DLGAP1: variants seen among roughly 807,000 people sequenced by gnomAD.
DLGAP1 encodes the protein disks large-associated protein 1.
A neutral mutation model predicts 90.8 loss-of-function variants in DLGAP1; 11 were observed. The observed-to-expected ratio is 0.12, with a 90% CI of 0.08 to 0.20. The LOEUF (loss-of-function observed/expected upper bound fraction) is 0.20. Ranked by LOEUF, DLGAP1 falls within the 10% of genes least tolerant of loss-of-function variation. The pLI, the probability that DLGAP1 is intolerant of heterozygous loss-of-function variation, is 1.00. For missense variants in DLGAP1, 1,050 were observed against 1,333.8 expected (o/e 0.79, Z 3.31); for synonymous variants, 558 against 540.7 (o/e 1.03, Z -0.44).
chr18:3,950,897 G>T (rs1298866186), intron 3 of DLGAP1, among the ~76,000 whole-genome samples: 1 of 152,200 alleles, frequency 6.6e-6, no homozygotes, highest in African/African-American at 2.4e-5. Context: ...GTATTGATAT[G>T]AATGAACTAT....
intron 2 of DLGAP1, among the ~76,000 whole-genome samples, chr18:4,128,699 C>T (rs1282086942): frequency 4.6e-5 from 7 of 152,220 alleles, no homozygotes; most frequent in African/African-American, 1.7e-4. Context: ...ATGCTATCAG[C>T]GAGGATCCAA....
intron 1 of DLGAP1, among the ~76,000 whole-genome samples, chr18:4,424,080 G>A (rs1282278743): frequency 6.6e-6 from 1 of 152,016 alleles, no homozygotes; most frequent in African/African-American, 2.4e-5. Flanking sequence ...TGAAGCTGGA[G>A]GTGGAGGTTG....
At chr18:3,757,135 T>A (rs1568080097) in intron 5 of DLGAP1, among the ~76,000 whole-genome samples, 1 of 152,106 alleles carries the variant, frequency 6.6e-6, no homozygotes. Flanking sequence ...GGAGGCCAGA[T>A]GTAGTGGCTC....
chr18:4,336,570 C>T (rs2081071134), intron 1 of DLGAP1, among the ~76,000 whole-genome samples: 2 of 152,162 alleles, frequency 1.3e-5, no homozygotes, highest in Admixed American at 1.3e-4. Flanking sequence ...CCAGTAAATA[C>T]CCTTCACCAA....
At chr18:4,189,760 A>G (rs1268889834) in intron 1 of DLGAP1, among the ~76,000 whole-genome samples, 2 of 152,196 alleles carry the variant, frequency 1.3e-5, no homozygotes, top group African/African-American at 4.8e-5. Flanking sequence ...ATGAATGAAT[A>G]CACAATACAT....
intron 2 of DLGAP1, among the ~76,000 whole-genome samples, chr18:4,067,841 A>G (rs1199090259): frequency 1.3e-5 from 2 of 152,214 alleles, no homozygotes; most frequent in African/African-American, 4.8e-5. Flanking sequence ...TGACCGAATC[A>G]ATGTACACCT....
intron 2 of DLGAP1, among the ~76,000 whole-genome samples, chr18:4,142,281 GTAGT>G (rs2076507273): frequency 6.6e-6 from 1 of 152,164 alleles, no homozygotes; most frequent in Non-Finnish European, 1.5e-5. Context: ...CTTTCAGAGA[GTAGT>G]TAAAATGTTA....
chr18:4,333,621 T>C (rs2080999461), intron 1 of DLGAP1, among the ~76,000 whole-genome samples: 1 of 146,710 alleles, frequency 6.8e-6, no homozygotes, highest in Non-Finnish European at 1.5e-5. Context: ...TATATATATA[T>C]AATTTTTTTT....
At chr18:3,807,488 T>C (rs1825789138) in intron 5 of DLGAP1, among the ~76,000 whole-genome samples, 1 of 152,326 alleles carries the variant, frequency 6.6e-6, no homozygotes, top group South Asian at 2.1e-4. Flanking sequence ...CAAAATTGCA[T>C]GCATAGAGTT....
intron 8 of DLGAP1, chr18:3,580,495 C>T (rs1599350355): frequency 6.2e-7 from 1 of 1,603,476 alleles, no homozygotes; most frequent in East Asian, 2.2e-5. Context: ...AGGTGAGAGA[C>T]CAGGAGGAGG....
chr18:3,568,938 G>A (rs540614436), intron 8 of DLGAP1, among the ~76,000 whole-genome samples: 115 of 151,056 alleles, frequency 7.6e-4, no homozygotes, highest in East Asian at 1.8e-3. Flanking sequence ...CGCCCGCCTC[G>A]GCCTCCCAAA....
intron 1 of DLGAP1, among the ~76,000 whole-genome samples, chr18:4,233,760 T>C (rs549106026): frequency 1.3e-5 from 2 of 152,282 alleles, no homozygotes; most frequent in South Asian, 2.1e-4. Flanking sequence ...AGATAAAAGA[T>C]ACTTTTTGAT....
At chr18:4,205,825 A>G (rs1192456800) in intron 1 of DLGAP1, among the ~76,000 whole-genome samples, 2 of 152,232 alleles carry the variant, frequency 1.3e-5, no homozygotes, top group African/African-American at 2.4e-5. Context: ...AAATAAGGAG[A>G]AGCCACATAC....
chr18:3,623,896 G>A (rs1423862247), intron 7 of DLGAP1, among the ~76,000 whole-genome samples: 1 of 151,944 alleles, frequency 6.6e-6, no homozygotes, highest in Non-Finnish European at 1.5e-5. Flanking sequence ...CGGTCCCCGT[G>A]CGGATGCCCG....
At chr18:4,022,408 TAC>T (rs10626913) in intron 2 of DLGAP1, among the ~76,000 whole-genome samples, 1 of 149,128 alleles carries the variant, frequency 6.7e-6, no homozygotes, top group East Asian at 2.0e-4. Context: ...TTCTACCTTT[TAC>T]ACACACACAC....
chr18:3,680,542 C>A (rs1156613327), intron 7 of DLGAP1, among the ~76,000 whole-genome samples: 2 of 152,194 alleles, frequency 1.3e-5, no homozygotes, highest in Non-Finnish European at 2.9e-5. Context: ...AATCCCAGCA[C>A]TTTGGGAGGC....
At chr18:3,827,737 A>G (rs2067797971) in intron 4 of DLGAP1, among the ~76,000 whole-genome samples, 1 of 152,192 alleles carries the variant, frequency 6.6e-6, no homozygotes, top group Non-Finnish European at 1.5e-5. Flanking sequence ...GGCATGCCAC[A>G]CACTGTCTTT....
chr18:3,859,530 A>C (rs958613757), intron 4 of DLGAP1, among the ~76,000 whole-genome samples: 1 of 152,168 alleles, frequency 6.6e-6, no homozygotes, highest in Non-Finnish European at 1.5e-5. Flanking sequence ...GTCGTGCATT[A>C]TCAAGTGGGC....
chr18:4,311,091 C>A (rs970163615), intron 1 of DLGAP1, among the ~76,000 whole-genome samples: 1 of 152,170 alleles, frequency 6.6e-6, no homozygotes, highest in African/African-American at 2.4e-5. Flanking sequence ...TAAAAAAATT[C>A]TGCAGCATTA....
Sources: allele counts gnomAD v4.1 joint callset (sites outside exome capture counted in the v4.1 genomes callset), GRCh38; gene constraint gnomAD v4.1.1; transcripts MANE v1.5; gene names NCBI Gene and HGNC (gene_info 2026-07-23, HGNC 2026-07-21).